Variants in CEP97 observed in about 807,000 individuals in gnomAD.
The protein encoded by CEP97 is centrosomal protein 97, also known as centrosomal protein of 97 kDa.
Under a neutral mutation model 73.1 loss-of-function variants are expected in CEP97, and 43 were observed. That is an observed-to-expected ratio of 0.59 (90% CI 0.46 to 0.76). CEP97 has a LOEUF of 0.76. CEP97 is among the 30% of genes least tolerant of loss of function. CEP97 has a pLI of 0.00. For missense variants in CEP97, 939 were observed against 1,014.0 expected (o/e 0.93, Z 1.00); for synonymous variants, 337 against 370.0 (o/e 0.91, Z 1.02).
At chr3:101,741,715 A>G (rs889998563) in intron 6 of CEP97, among the ~76,000 whole-genome samples, 26 of 152,318 alleles carry the variant, frequency 1.7e-4, no homozygotes, top group African/African-American at 6.3e-4. Context: ...ATGAGATACC[A>G]TCTCATGCCA....
chr3:101,748,446 C>A (rs1938695141), intron 6 of CEP97, among the ~76,000 whole-genome samples: 1 of 151,986 alleles, frequency 6.6e-6, no homozygotes. Context: ...TCCCAAAGTA[C>A]AGATCATCTC....
chr3:101,755,343 A>G, intron 6 of CEP97, 87 bp from the exon 7 acceptor site: 3 of 1,140,592 alleles, frequency 2.6e-6, no homozygotes, highest in South Asian at 1.4e-5. Flanking sequence ...CTATAAAGGT[A>G]AGTTAACAAG....
chr3:101,750,406 T>C (rs1938769382), intron 6 of CEP97, among the ~76,000 whole-genome samples: 1 of 151,956 alleles, frequency 6.6e-6, no homozygotes, highest in Non-Finnish European at 1.5e-5. Flanking sequence ...AGCCTTGTAG[T>C]ATAGTTTGAA....
At chr3:101,762,587 C>T in intron 10 of CEP97, 27 bp downstream of exon 10, 21 of 1,494,882 alleles carry the variant, frequency 1.4e-5, no homozygotes, top group Non-Finnish European at 1.9e-5. Context: ...TGATTTACCT[C>T]ATATATGATC....
At chr3:101,738,838 C>T (rs1192416808) in intron 6 of CEP97, among the ~76,000 whole-genome samples, 2 of 151,978 alleles carry the variant, frequency 1.3e-5, no homozygotes, top group African/African-American at 4.8e-5. Flanking sequence ...AATATCAGAG[C>T]AGAACTGAAG....
intron 6 of CEP97, among the ~76,000 whole-genome samples, chr3:101,739,837 G>C (rs779445992): frequency 2.0e-5 from 3 of 151,370 alleles, no homozygotes; most frequent in East Asian, 3.9e-4. Context: ...CCCGGGAGGC[G>C]TAGTTTGCAG....
At position 101,755,532 on chromosome 3, in the gene CEP97, T is replaced by G; in HGVS notation, c.831T>G (p.Thr277=). The G allele has an allele frequency of 6.2e-7, 1 of 1,612,892 alleles. No homozygotes were observed. The highest frequency in any genetic ancestry group is 8.5e-7 in the Non-Finnish European group (1 of 1,179,574). The change falls in exon 7 of 11, where the codon ACT becomes ACG. Residue 277 remains threonine (T), a synonymous_variant. Transcript: ENST00000341893. ...VQYLATVCPL[T]STLGLQTAED... The stretch of plus-strand genomic sequence containing the variant: ...ATCTGGCTACAGTCTGCCCCCTCAC[T>G]TCTACACTAGGTCTTCAAACTGCAG...
chr3:101,756,994 A>G, intron 7 of CEP97, 69 bp from the exon 8 acceptor site: 1 of 1,404,660 alleles, frequency 7.1e-7, no homozygotes, highest in Non-Finnish European at 9.6e-7. Context: ...TGACATTGTT[A>G]CCTAGGAAGC....
intron 9 of CEP97, chr3:101,758,990 G>A (rs568474445): frequency 3.2e-4 from 49 of 153,442 alleles, no homozygotes; most frequent in African/African-American, 8.9e-4. Flanking sequence ...TACTGAGAAG[G>A]GACAGCCAGA....
rs114071013 is a variant in CEP97, at chr3:101,755,752, C to T, written c.893+158C>T. ...AACAGTTCCTGCAGGGAAGCTGAAT[C>T]GTGCACTGCAAACAGCCAAACAATA... On this transcript the variant is annotated intron_variant, in intron 7 of 10. Coordinates refer to ENST00000341893, the MANE Select transcript of CEP97 (RefSeq NM_024548.4). Among the ~76,000 whole-genome samples, 1,141 of 152,288 alleles carry T rather than the reference C, an allele frequency of 7.5e-3. 14 individuals are homozygous for T. Among genetic ancestry groups the T allele is most frequent in the African/African-American group, 0.026 (1,096 of 41,554 alleles).
chr3:101,742,858 A>G (rs898231572), intron 6 of CEP97, among the ~76,000 whole-genome samples: 4 of 152,156 alleles, frequency 2.6e-5, no homozygotes, highest in African/African-American at 9.7e-5. Flanking sequence ...AAAAAAATAA[A>G]TAAATAAATA....
intron 7 of CEP97, among the ~76,000 whole-genome samples, chr3:101,756,394 C>T (rs1939005902): frequency 6.7e-6 from 1 of 148,646 alleles, no homozygotes; most frequent in African/African-American, 2.5e-5. Flanking sequence ...GGCAGGAGCT[C>T]ACTTTGTCAC....
chr3:101,743,657 A>G (rs1240817922), intron 6 of CEP97, among the ~76,000 whole-genome samples: 1 of 152,102 alleles, frequency 6.6e-6, no homozygotes, highest in Non-Finnish European at 1.5e-5. Flanking sequence ...CAGCCTCCCA[A>G]AATGCTGGGA....
At chr3:101,743,768 C>T (rs372944165) in intron 6 of CEP97, among the ~76,000 whole-genome samples, 1 of 152,112 alleles carries the variant, frequency 6.6e-6, no homozygotes, top group Non-Finnish European at 1.5e-5. Context: ...CTTTGGGAGG[C>T]CAAGGCGGGA....
At chr3:101,759,188 A>G (rs1939103952) in intron 9 of CEP97, 1 of 152,218 alleles carries the variant, frequency 6.6e-6, no homozygotes. Context: ...ACTTGGGAAA[A>G]TACTATTCTG....
chr3:101,748,891 C>T (rs2611838), intron 6 of CEP97, among the ~76,000 whole-genome samples: 12,487 of 152,200 alleles, frequency 0.082, 727 homozygotes, highest in East Asian at 0.27. Flanking sequence ...CCGCCCACCT[C>T]GGCCTCCCAA....
rs751148406 is a variant in CEP97, at chr3:101,758,204, C to T, written c.1598C>T (p.Thr533Ile). The change falls in exon 9 of 11, where the codon ACT becomes ATT. Residue 533 changes from threonine to isoleucine, a missense_variant. Transcript: ENST00000341893. ...PENKETISQA[T>I]SEKLPMILTQ... ...AATAAAGAAACCATATCTCAAGCAA[C>T]TTCAGAGAAACTTCCCATGATTTTA... 3.1e-6 allele frequency: 5 copies of T among 1,614,160 alleles called. No individual in the cohort carries two copies. Among genetic ancestry groups the T allele is most frequent in the Non-Finnish European group, 4.2e-6 (5 of 1,180,034 alleles).
rs71625598 is a variant in CEP97, at chr3:101,748,129, C to CAAAA, written c.729-7279_729-7276dup. Reference sequence around the variant, plus strand: ...CCTGGGTGGCAGAGAGACCTTGTCTCAAAAAAAAAAAAAAAAAAAAAAAAA... The same window carrying CAAAA: ...CCTGGGTGGCAGAGAGACCTTGTCTCAAAAAAAAAAAAAAAAAAAAAAAAAAAAA... On this transcript the variant is annotated intron_variant, in intron 6 of 10. Transcript: ENST00000341893. 2.5e-3 allele frequency among the ~76,000 whole-genome samples: 135 copies of CAAAA among 53,830 alleles called. 2 individuals carry two copies. The highest frequency in any genetic ancestry group is 3.2e-3 in the Non-Finnish European group (102 of 31,438). The allele number at this position is 53,830 out of a possible 152,430, so 35.3% of individuals were successfully genotyped here.
intron 6 of CEP97, among the ~76,000 whole-genome samples, chr3:101,752,426 A>T (rs1279321614): frequency 6.6e-6 from 1 of 152,014 alleles, no homozygotes; most frequent in Non-Finnish European, 1.5e-5. Context: ...TATTTCCTGA[A>T]TCTGAATGTT....
Sources: gnomAD v4.1 joint callset for allele counts (sites outside exome capture counted in the v4.1 genomes callset) on GRCh38, gnomAD v4.1.1 for gene constraint, MANE v1.5 for transcripts, NCBI Gene and HGNC (gene_info 2026-07-23, HGNC 2026-07-21) for gene names.